The following EMCN variants were observed in gnomAD, a reference collection of about 807,000 sequenced individuals.
The protein encoded by EMCN is endomucin.
In EMCN, 37 loss-of-function variants were observed where a neutral mutation model predicts 38.4. The ratio of observed to expected loss-of-function variants is 0.96; its 90% confidence interval spans 0.74 to 1.27. EMCN has a LOEUF of 1.27. Ranked by LOEUF, EMCN falls within the 50% of genes most tolerant of loss-of-function variation. EMCN has a pLI of 0.00. For missense variants in EMCN, 318 were observed against 302.8 expected (o/e 1.05, Z -0.37); for synonymous variants, 95 against 100.8 (o/e 0.94, Z 0.35).
chr4:100,473,395 T>TTTTTTTTTTTTTTTTTTTTTTTTTC (rs1263222229), intron 3 of EMCN, among the ~76,000 whole-genome samples: 1 of 143,962 alleles, frequency 6.9e-6, no homozygotes, highest in Non-Finnish European at 1.5e-5. Context: ...TGTTTTTTTT[T>TTTTTTTTTTTTTTTTTTTTTTTTTC]TTGCTAATGA....
chr4:100,445,539 A>G lies in EMCN; in HGVS notation c.415+1994T>C, dbSNP rs972386305. On this transcript the variant is annotated intron_variant, in intron 5 of 11. Coordinates refer to ENST00000296420, the MANE Select transcript of EMCN (RefSeq NM_016242.4). ...TCCATATTTGCTTATATTTATAGAA[A>G]GGAAACAGGACTAGTAATTCTATGG... Among the ~76,000 whole-genome samples the G allele has an allele frequency of 3.0e-4, 45 of 152,204 alleles. 1 individual carries two copies. Among genetic ancestry groups the G allele is most frequent in the Non-Finnish European group, 1.9e-4 (13 of 68,018 alleles).
At chr4:100,490,154 T>A (rs1452464693) in intron 1 of EMCN, among the ~76,000 whole-genome samples, 9 of 146,676 alleles carry the variant, frequency 6.1e-5, no homozygotes, top group African/African-American at 1.0e-4. Flanking sequence ...TGTGTCTTAA[T>A]TTTTTACAAC....
intron 1 of EMCN, among the ~76,000 whole-genome samples, chr4:100,482,625 C>A (rs150536321): frequency 3.9e-5 from 6 of 151,972 alleles, no homozygotes. Flanking sequence ...GAACATAGTG[C>A]GCATGATCTG....
chr4:100,452,241 A>G (rs1444984678), intron 4 of EMCN, among the ~76,000 whole-genome samples: 1 of 152,042 alleles, frequency 6.6e-6, no homozygotes, highest in African/African-American at 2.4e-5. Context: ...TCCATATTAA[A>G]CTAAGATAAA....
chr4:100,409,519 C>T (rs1726490190), intron 11 of EMCN, among the ~76,000 whole-genome samples: 1 of 152,128 alleles, frequency 6.6e-6, no homozygotes, highest in Non-Finnish European at 1.5e-5. Context: ...GAGAAATTTC[C>T]ATTTTTTATT....
At chr4:100,451,823 A>T (rs1191553943) in intron 4 of EMCN, among the ~76,000 whole-genome samples, 1 of 152,070 alleles carries the variant, frequency 6.6e-6, no homozygotes, top group Non-Finnish European at 1.5e-5. Flanking sequence ...CTAAAAAAAT[A>T]GCTAACATGT....
At chr4:100,417,768 G>T (rs1726776855) in intron 8 of EMCN, among the ~76,000 whole-genome samples, 1 of 152,140 alleles carries the variant, frequency 6.6e-6, no homozygotes, top group Admixed American at 6.6e-5. Flanking sequence ...AACTCAGAAT[G>T]ATTCATTCTG....
At chr4:100,487,691 T>C (rs918165184) in intron 1 of EMCN, among the ~76,000 whole-genome samples, 3 of 152,200 alleles carry the variant, frequency 2.0e-5, no homozygotes, top group African/African-American at 7.2e-5. Flanking sequence ...GTATTTCCTG[T>C]GCACTTGCAC....
intron 4 of EMCN, among the ~76,000 whole-genome samples, chr4:100,457,380 T>C (rs548419620): frequency 4.6e-5 from 7 of 152,306 alleles, no homozygotes; most frequent in Admixed American, 3.3e-4. Context: ...GGACATCATT[T>C]GCTTTGTAGG....
chr4:100,441,422 G>A (rs1727513887), intron 5 of EMCN, among the ~76,000 whole-genome samples: 1 of 152,134 alleles, frequency 6.6e-6, no homozygotes, highest in African/African-American at 2.4e-5. Flanking sequence ...TGTCTTGTAG[G>A]CAGCATATAG....
intron 1 of EMCN, among the ~76,000 whole-genome samples, chr4:100,505,148 C>T (rs1220661504): frequency 6.6e-6 from 1 of 152,182 alleles, no homozygotes; most frequent in Non-Finnish European, 1.5e-5. Flanking sequence ...CACTCCTTAC[C>T]CTGCCCCTTT....
chr4:100,460,754 C>A (rs1728157083), intron 4 of EMCN, among the ~76,000 whole-genome samples: 2 of 152,136 alleles, frequency 1.3e-5, no homozygotes, highest in South Asian at 4.1e-4. Flanking sequence ...TATCTCTTCA[C>A]CCCGTTGATT....
chr4:100,422,822 C>CTTTTCT (rs1726927397), intron 7 of EMCN, among the ~76,000 whole-genome samples, 199 bp downstream of exon 7: 6 of 122,654 alleles, frequency 4.9e-5, no homozygotes, highest in African/African-American at 1.4e-4. Flanking sequence ...TCTTTCTTTT[C>CTTTTCT]TTTTTTTTTT....
At chr4:100,428,619 A>T (rs1727116979) in intron 5 of EMCN, among the ~76,000 whole-genome samples, 1 of 152,154 alleles carries the variant, frequency 6.6e-6, no homozygotes, top group African/African-American at 2.4e-5. Flanking sequence ...CCCATCACTA[A>T]TCACTGAATG....
chr4:100,428,265 A>C (rs1257378199), intron 5 of EMCN, among the ~76,000 whole-genome samples: 2 of 152,026 alleles, frequency 1.3e-5, no homozygotes, highest in African/African-American at 4.8e-5. Flanking sequence ...GCCTCTCCTC[A>C]AGTTCTAGCT....
At chr4:100,406,361 T>C (rs1204780711) in intron 11 of EMCN, among the ~76,000 whole-genome samples, 1 of 152,162 alleles carries the variant, frequency 6.6e-6, no homozygotes, top group African/African-American at 2.4e-5. Flanking sequence ...TTTTTTGATG[T>C]GGGCATTTAG....
intron 5 of EMCN, among the ~76,000 whole-genome samples, chr4:100,428,471 T>A (rs1560610881): frequency 6.6e-6 from 1 of 152,194 alleles, no homozygotes; most frequent in Admixed American, 6.6e-5. Flanking sequence ...CCTTTTAACT[T>A]ACTATATAAT....
chr4:100,498,434 AG>A (rs1366392129), intron 1 of EMCN, among the ~76,000 whole-genome samples: 1 of 152,268 alleles, frequency 6.6e-6, no homozygotes, highest in Admixed American at 6.5e-5. Flanking sequence ...TAAATCAATT[AG>A]TAAAATATCT....
chr4:100,497,258 A>C (rs1729232029), intron 1 of EMCN, among the ~76,000 whole-genome samples: 3 of 151,822 alleles, frequency 2.0e-5, no homozygotes, highest in South Asian at 2.1e-4. Context: ...AAAAAAAAAA[A>C]AAAAACTAGA....
Sources: gnomAD v4.1 joint callset for allele counts (sites outside exome capture counted in the v4.1 genomes callset) on GRCh38, gnomAD v4.1.1 for gene constraint, MANE v1.5 for transcripts, NCBI Gene and HGNC (gene_info 2026-07-23, HGNC 2026-07-21) for gene names.